The following CYP2J2 variants were observed in gnomAD, a reference collection of about 807,000 sequenced individuals.
CYP2J2 encodes the protein cytochrome P450 2J2.
In CYP2J2, 41 loss-of-function variants were observed where a neutral mutation model predicts 48.8. That is an observed-to-expected ratio of 0.84 (90% CI 0.66 to 1.09). The LOEUF is 1.09. Ranked by LOEUF, CYP2J2 falls within the 50% of genes least tolerant of loss-of-function variation. The pLI, the probability that CYP2J2 is intolerant of heterozygous loss-of-function variation, is 0.00. For missense variants in CYP2J2, 644 were observed against 617.3 expected (o/e 1.04, Z -0.46); for synonymous variants, 221 against 227.1 (o/e 0.97, Z 0.24).
the CYP2J2 span, among the ~76,000 whole-genome samples, chr1:59,936,075 ACT>A: frequency 2.4e-4 from 37 of 152,022 alleles, 1 homozygote; most frequent in Admixed American, 6.6e-4. Flanking sequence ...CCCAGAATAT[ACT>A]CTCTTACACT....
the CYP2J2 span, among the ~76,000 whole-genome samples, chr1:59,940,949 C>G: frequency 0.3 from 45,642 of 151,944 alleles, 7,357 homozygotes; most frequent in African/African-American, 0.42. Context: ...TGGAAGTAGA[C>G]AGTAGAATGA....
chr1:59,961,699 C>T, the CYP2J2 span, among the ~76,000 whole-genome samples: 1 of 151,938 alleles, frequency 6.6e-6, no homozygotes, highest in African/African-American at 2.4e-5. Context: ...TCAGAGTAAC[C>T]AAAGAGTAGA....
At chr1:59,954,699 T>C in the CYP2J2 span, among the ~76,000 whole-genome samples, 35,922 of 151,768 alleles carry the variant, frequency 0.24, 5,560 homozygotes, top group African/African-American at 0.45. Flanking sequence ...ATCAAACCCA[T>C]GAGTAAATGT....
At chr1:59,958,695 A>G in the CYP2J2 span, among the ~76,000 whole-genome samples, 30 of 152,128 alleles carry the variant, frequency 2.0e-4, no homozygotes, top group African/African-American at 6.7e-4. Context: ...CTTAACCACC[A>G]CATTACAGAT....
At chr1:59,942,378 C>T in the CYP2J2 span, among the ~76,000 whole-genome samples, 190 of 152,100 alleles carry the variant, frequency 1.2e-3, no homozygotes, top group Non-Finnish European at 2.3e-3. Flanking sequence ...TGTAAAGATT[C>T]GCCTAAAAGA....
rs11572253 is a variant in CYP2J2 at position 59,913,407 on chromosome 1, C to T, written c.374-1096G>A. Among the ~76,000 whole-genome samples the T allele has an allele frequency of 2.7e-3, 418 of 152,262 alleles. 1 individual carries two copies. The highest frequency in any genetic ancestry group is 9.2e-3 in the African/African-American group (383 of 41,550). On this transcript the variant is annotated intron_variant, in intron 2 of 8. Transcript: ENST00000371204. Reference sequence around the variant, plus strand: ...CTGAGCTCCAGAAGCATATATACAACGCTGCCTGCCTCACTTTGCTGACTT... The same window carrying T: ...CTGAGCTCCAGAAGCATATATACAATGCTGCCTGCCTCACTTTGCTGACTT...
At chr1:59,913,398 T>C (rs1374044051) in intron 2 of CYP2J2, among the ~76,000 whole-genome samples, 4 of 152,198 alleles carry the variant, frequency 2.6e-5, no homozygotes, top group Non-Finnish European at 5.9e-5. Flanking sequence ...TCCAGAAGCA[T>C]ATATACAACG....
the CYP2J2 span, among the ~76,000 whole-genome samples, chr1:59,958,625 G>C: frequency 6.6e-6 from 1 of 152,084 alleles, no homozygotes; most frequent in Non-Finnish European, 1.5e-5. Context: ...TGCTGCTCTT[G>C]TTCATTGACT....
upstream of CYP2J2, among the ~76,000 whole-genome samples, chr1:59,927,275 T>G (rs1644575546): frequency 1.3e-5 from 2 of 152,194 alleles, no homozygotes; most frequent in African/African-American, 4.8e-5. Context: ...GTCCTGTATT[T>G]GAAAGTGTCT....
At position 59,926,602 on chromosome 1, in the gene CYP2J2, G is replaced by T. The variant is rs11572190; in HGVS notation, c.145C>A (p.Arg49Ser). 38 of 1,614,198 alleles carry T rather than the reference G, an allele frequency of 2.4e-5. No homozygotes were observed. The highest frequency in any genetic ancestry group is 3.1e-5 in the Non-Finnish European group (37 of 1,180,034). Residue 49 changes from arginine (R) to serine (S), a missense_variant, in exon 1 of 9, where the codon CGC becomes AGC. By Grantham distance (110) the Arg-to-Ser change is moderately radical. Coordinates refer to ENST00000371204, the MANE Select transcript of CYP2J2 (RefSeq NM_000775.4). ...RPKNYPPGPWRLPFLGNFFLV... is the reference protein window; with the variant it reads ...RPKNYPPGPWSLPFLGNFFLV... ...AAGAAGTTGCCAAGGAAGGGCAGGC[G>T]CCAGGGCCCCGGCGGGTAGTTCTTT... is the stretch of plus-strand genomic sequence containing the variant.
chr1:59,907,680 C>A lies in CYP2J2; in HGVS notation c.1003+106G>T, dbSNP rs551308978. The A allele has an allele frequency of 9.9e-5, 123 of 1,240,360 alleles. 1 individual carries two copies. The African/African-American group carries it at 1.7e-3, about 17-fold the overall frequency. The allele number at this position is 1,240,360 out of a possible 1,614,324, so 76.8% of individuals were successfully genotyped here. A position where few individuals can be genotyped will look rare whatever the true frequency, so the allele number is the denominator to read the frequency against. On this transcript the variant is annotated intron_variant, in intron 6 of 8. Coordinates refer to ENST00000371204, the MANE Select transcript of CYP2J2 (RefSeq NM_000775.4). ...GTCCTCATCACTCATGACTGTTCTG[C>A]CTCTCTTTTCATCCTACAATGCTAT...
the CYP2J2 span, among the ~76,000 whole-genome samples, chr1:59,952,989 A>G: frequency 6.6e-6 from 1 of 152,234 alleles, no homozygotes; most frequent in Admixed American, 6.5e-5. Context: ...GAAAAGAGTG[A>G]AATGCAAACA....
chr1:59,935,023 T>TACAC, the CYP2J2 span, among the ~76,000 whole-genome samples: 13 of 75,320 alleles, frequency 1.7e-4, no homozygotes, highest in Non-Finnish European at 3.1e-4. Context: ...TACATATATA[T>TACAC]ATATATATAT....
chr1:59,909,832 A>T lies in CYP2J2; in HGVS notation c.813T>A (p.Pro271=). 3 of 1,603,228 alleles carry T rather than the reference A, an allele frequency of 1.9e-6. No individual in the cohort carries two copies. The highest frequency in any genetic ancestry group is 2.5e-6 in the Non-Finnish European group (3 of 1,177,040). Residue 271 remains proline (P), a synonymous_variant, in exon 5 of 9, where the codon CCT becomes CCA. Transcript: ENST00000371204. ...CATCAATAAAGTCTCTTGTTTCTGC[A>T]GGATTCCAATCCTTTCTGTGTTTGT... ...MIDKHRKDWN[P]AETRDFIDAY... is the part of the protein sequence containing the mutation.
chr1:59,949,311 A>G, the CYP2J2 span, among the ~76,000 whole-genome samples: 1 of 152,198 alleles, frequency 6.6e-6, no homozygotes, highest in Non-Finnish European at 1.5e-5. Context: ...TATGGATATA[A>G]AAGCTATTTG....
At chr1:59,922,308 C>T (rs760492156) in intron 1 of CYP2J2, among the ~76,000 whole-genome samples, 2 of 152,176 alleles carry the variant, frequency 1.3e-5, no homozygotes, top group Non-Finnish European at 2.9e-5. Context: ...GGAAGCACCA[C>T]CAGATCATAC....
chr1:59,901,056 T>C lies in CYP2J2; in HGVS notation c.1239A>G (p.Thr413=). The part of the protein sequence containing the change: ...TNLTALHRDP[T]EWATPDTFNP... ...TGAATGTGTCAGGGGTGGCCCACTC[T>C]GTGGGGTCCCTGTGCAGCGCCGTCA... is the stretch of plus-strand genomic sequence containing the variant. Residue 413 remains threonine (T), a synonymous_variant, in exon 8 of 9, where the codon ACA becomes ACG. Coordinates refer to ENST00000371204, the MANE Select transcript of CYP2J2 (RefSeq NM_000775.4). 1 of 1,614,120 alleles carries C rather than the reference T, an allele frequency of 6.2e-7. No homozygotes were observed. The highest frequency in any genetic ancestry group is 8.5e-7 in the Non-Finnish European group (1 of 1,179,970).
chr1:59,898,241 T>C (rs1364158346), intron 8 of CYP2J2, among the ~76,000 whole-genome samples: 3 of 152,202 alleles, frequency 2.0e-5, no homozygotes, highest in Non-Finnish European at 2.9e-5. Context: ...GAAAACATAA[T>C]GCAATGGAAG....
At chr1:59,938,885 G>A in the CYP2J2 span, among the ~76,000 whole-genome samples, 2 of 152,206 alleles carry the variant, frequency 1.3e-5, no homozygotes, top group South Asian at 2.1e-4. Context: ...CTGGTTTATC[G>A]AGACTAGAGA....
Sources: allele counts gnomAD v4.1 joint callset (sites outside exome capture counted in the v4.1 genomes callset), GRCh38; gene constraint gnomAD v4.1.1; transcripts MANE v1.5; gene names NCBI Gene and HGNC (gene_info 2026-07-23, HGNC 2026-07-21).